WDR64: variants seen among roughly 807,000 people sequenced by gnomAD.
WDR64 encodes WD repeat-containing protein 64.
WDR64 carries 112 observed loss-of-function variants against 139.3 expected under a neutral mutation model. The ratio of observed to expected loss-of-function variants is 0.80; its 90% CI spans 0.69 to 0.94. The LOEUF (loss-of-function observed/expected upper bound fraction) is 0.94, where lower values mean the gene tolerates loss of function less well. Ranked by LOEUF, WDR64 falls within the 40% of genes least tolerant of loss-of-function variation. The pLI, the probability that WDR64 is intolerant of heterozygous loss-of-function variation, is 0.00. For synonymous variants in WDR64, 444 were observed against 437.7 expected, an observed-to-expected ratio of 1.01 and a Z score of -0.18; for missense variants, 1,206 against 1,293.1, an observed-to-expected ratio of 0.93 and a Z score of 1.03.
intron 23 of WDR64, among the ~76,000 whole-genome samples, chr1:241,785,432 T>TTCCA (rs916474627): frequency 2.6e-5 from 4 of 152,122 alleles, no homozygotes; most frequent in African/African-American, 9.7e-5. Context: ...AAGACACTAA[T>TTCCA]TCCATTCATG....
rs991910759 is a variant in WDR64, at chr1:241,703,141, C to T, written c.975-8661C>T. On this transcript the variant is annotated intron_variant, in intron 8 of 27. Transcript: ENST00000437684. This position sits in a 1 kb window ranked among gnomAD's most constrained non-coding sequence, Gnocchi z 5.9. ...AAATGCCTTATTCCTTGTTTCCTGC[C>T]CTCATTCCCCACCAACTACCTCACC... 1.3e-5 allele frequency among the ~76,000 whole-genome samples: 2 copies of T among 152,100 alleles called. No individual in the cohort carries two copies. Among genetic ancestry groups the T allele is most frequent in the African/African-American group, 4.8e-5 (2 of 41,400 alleles).
At chr1:241,784,459 G>T (rs7533638) in intron 23 of WDR64, among the ~76,000 whole-genome samples, 2 of 152,108 alleles carry the variant, frequency 1.3e-5, no homozygotes, top group Admixed American at 1.3e-4. Flanking sequence ...TCAAAGGGGA[G>T]GTAAGTGATA....
chr1:241,762,310 T>A (rs978776539), intron 15 of WDR64, among the ~76,000 whole-genome samples: 9 of 152,088 alleles, frequency 5.9e-5, no homozygotes, highest in African/African-American at 2.2e-4. Context: ...GGAATCTTTT[T>A]TTTTTCTGAG....
Position 241,735,849 on chromosome 1 carries a change from CTCTCTCTGTGTG to C in WDR64, c.1195-2512_1195-2501del, listed in dbSNP as rs1289417976. Among the ~76,000 whole-genome samples, 421 of 89,442 alleles carry C rather than the reference CTCTCTCTGTGTG, an allele frequency of 4.7e-3. 2 individuals are homozygous for C. The highest frequency in any genetic ancestry group is 0.021 in the Admixed American group (192 of 9,166). The allele number at this position is 89,442 out of a possible 152,430, so 58.7% of individuals were successfully genotyped here. A position where few individuals can be genotyped will look rare whatever the true frequency, so the allele number is the denominator to read the frequency against. On this transcript the variant is annotated intron_variant, in intron 10 of 27. Transcript: ENST00000437684. ...TCTCTCTCTCTCTCTCTCTCTCTCTCTCTCTCTGTGTGTGTGTGTGTGTGTGTGTGTGTGTGT... is the reference window on the plus strand; with the variant it reads ...TCTCTCTCTCTCTCTCTCTCTCTCTCTGTGTGTGTGTGTGTGTGTGTGTGT...
At chr1:241,679,839 C>G (rs1666709041) in intron 6 of WDR64, among the ~76,000 whole-genome samples, 1 of 152,052 alleles carries the variant, frequency 6.6e-6, no homozygotes, top group Non-Finnish European at 1.5e-5. Flanking sequence ...GGGGTAATTC[C>G]TTTCTTCTTT....
At chr1:241,732,157 C>T (rs1669106721) in intron 10 of WDR64, among the ~76,000 whole-genome samples, 3 of 152,130 alleles carry the variant, frequency 2.0e-5, no homozygotes, top group Admixed American at 1.3e-4. Context: ...TCTGACTTTC[C>T]TTTACAATCA....
chr1:241,789,723 G>A (rs1246782164), intron 24 of WDR64, among the ~76,000 whole-genome samples: 2 of 152,058 alleles, frequency 1.3e-5, no homozygotes, highest in African/African-American at 4.8e-5. Flanking sequence ...ACTACACTGG[G>A]GCCTACTTGA....
chr1:241,795,491 C>A (rs887020422), intron 26 of WDR64, among the ~76,000 whole-genome samples: 1 of 152,162 alleles, frequency 6.6e-6, no homozygotes, highest in Non-Finnish European at 1.5e-5. Flanking sequence ...TGCCATACCA[C>A]GTGGTGGTTA....
At chr1:241,707,494 A>G (rs953353881) in intron 8 of WDR64, among the ~76,000 whole-genome samples, 1 of 152,194 alleles carries the variant, frequency 6.6e-6, no homozygotes, top group African/African-American at 2.4e-5. Context: ...CCTTTCCAAT[A>G]CAAAATTTTA....
At chr1:241,723,803 AG>A (rs2148201632) in intron 10 of WDR64, among the ~76,000 whole-genome samples, 1 of 148,650 alleles carries the variant, frequency 6.7e-6, no homozygotes, top group East Asian at 2.0e-4. Context: ...ACAAAAAAAA[AG>A]TTATAAATAT....
chr1:241,770,210 C>A (rs141898979), intron 17 of WDR64, among the ~76,000 whole-genome samples: 179 of 152,272 alleles, frequency 1.2e-3, no homozygotes, highest in African/African-American at 4.1e-3. Context: ...CACTTTTCAG[C>A]CGGTTTCAGT....
intron 10 of WDR64, among the ~76,000 whole-genome samples, chr1:241,737,069 C>A (rs577429387): frequency 6.6e-6 from 1 of 152,268 alleles, no homozygotes; most frequent in South Asian, 2.1e-4. Flanking sequence ...CTCTACTTGT[C>A]TCTCATTCTA....
chr1:241,679,711 A>C, intron 6 of WDR64, 116 bp downstream of exon 6: 1 of 826,510 alleles, frequency 1.2e-6, no homozygotes, highest in Admixed American at 2.5e-5. Flanking sequence ...AAATGAGAGG[A>C]TTTAAGTAAG....
chr1:241,741,798 A>T, intron 12 of WDR64, 134 bp downstream of exon 12: 1 of 1,000,912 alleles, frequency 1.0e-6, no homozygotes, highest in Non-Finnish European at 1.4e-6. Context: ...AATGATTTTT[A>T]AGCTTCCATG....
chr1:241,800,026 G>A (rs913240558), intron 27 of WDR64, among the ~76,000 whole-genome samples: 8 of 152,156 alleles, frequency 5.3e-5, no homozygotes, highest in African/African-American at 1.9e-4. Context: ...CTGCTGCAGT[G>A]CCAATGTCTG....
At chr1:241,711,512 T>C (rs1668166914) in intron 8 of WDR64, among the ~76,000 whole-genome samples, 1 of 152,178 alleles carries the variant, frequency 6.6e-6, no homozygotes, top group Non-Finnish European at 1.5e-5. Flanking sequence ...TAAGACCTTA[T>C]AACAGGTCGG....
Position 241,800,221 on chromosome 1 carries a change from A to G in WDR64, c.3193-911A>G, listed in dbSNP as rs556241488. 2.6e-5 allele frequency among the ~76,000 whole-genome samples: 4 copies of G among 152,282 alleles called. No individual in the cohort carries two copies. The South Asian group carries it at 8.3e-4, about 32-fold the overall frequency. ...CTACCTTGTCTGTGGGAGAAAGAGG[A>G]GTACTCATGTGACCTCTTAATGTCC... On this transcript the variant is annotated intron_variant, in intron 27 of 27. Coordinates refer to ENST00000437684, the MANE Select transcript of WDR64 (RefSeq NM_001367482.1).
intron 24 of WDR64, among the ~76,000 whole-genome samples, chr1:241,788,681 T>C (rs1303122250): frequency 6.6e-6 from 1 of 152,220 alleles, no homozygotes; most frequent in Non-Finnish European, 1.5e-5. Context: ...AGAAGGGTTC[T>C]AAATAGGAAT....
chr1:241,755,608 G>A (rs1558509214), intron 14 of WDR64, among the ~76,000 whole-genome samples: 1 of 152,066 alleles, frequency 6.6e-6, no homozygotes, highest in Non-Finnish European at 1.5e-5. Flanking sequence ...CATTGCTTTT[G>A]GTGTTTTAGT....
Sources: allele counts gnomAD v4.1 joint callset (sites outside exome capture counted in the v4.1 genomes callset), GRCh38; gene constraint gnomAD v4.1.1; non-coding constraint Gnocchi (gnomAD v3.1); transcripts MANE v1.5; gene names NCBI Gene and HGNC (gene_info 2026-07-23, HGNC 2026-07-21).